Variants in BCKDHB observed in about 807,000 individuals in gnomAD.
BCKDHB encodes the protein 2-oxoisovalerate dehydrogenase subunit beta, mitochondrial.
In BCKDHB, 41 loss-of-function variants were observed where a neutral mutation model predicts 48.5. That is an observed-to-expected ratio of 0.85 (90% confidence interval 0.66 to 1.10). BCKDHB has a LOEUF of 1.10. BCKDHB is among the 50% of genes least tolerant of loss of function. The pLI, the probability that BCKDHB is intolerant of heterozygous loss-of-function variation, is 0.00. For missense variants in BCKDHB, 496 were observed against 494.2 expected (o/e 1.00, Z -0.03); for synonymous variants, 201 against 174.8 (o/e 1.15, Z -1.18).
At chr6:80,156,940 T>G (rs13220420) in intron 3 of BCKDHB, among the ~76,000 whole-genome samples, 7,249 of 152,282 alleles carry the variant, frequency 0.048, 231 homozygotes, top group Non-Finnish European at 0.075. Context: ...GTTTTGGCTT[T>G]GTCTTTTTAT....
rs542280040 is a variant in BCKDHB at position 80,343,996 on chromosome 6, A to G, written c.*192A>G. 236 of 612,294 alleles carry G rather than the reference A, an allele frequency of 3.9e-4. 2 individuals carry two copies. Among genetic ancestry groups the G allele is most frequent in the Admixed American group, 2.0e-3 (65 of 31,948 alleles). The allele number at this position is 612,294 out of a possible 1,614,324, so 37.9% of individuals were successfully genotyped here. ...TTCAAATTTATAGTAGTATATTTACATTTTTGTTGTTGTTGTTGTTCTGAG... is the reference window on the plus strand; with the variant it reads ...TTCAAATTTATAGTAGTATATTTACGTTTTTGTTGTTGTTGTTGTTCTGAG... On this transcript the variant is annotated 3_prime_UTR_variant, in exon 10 of 10. Transcript: ENST00000320393.
the BCKDHB span, among the ~76,000 whole-genome samples, chr6:80,407,020 G>C: frequency 2.6e-5 from 4 of 152,178 alleles, no homozygotes; most frequent in South Asian, 8.3e-4. Flanking sequence ...TCCATCTTGA[G>C]TTAATTTTTG....
intron 8 of BCKDHB, among the ~76,000 whole-genome samples, chr6:80,245,185 G>A (rs907366082): frequency 6.6e-6 from 1 of 151,868 alleles, no homozygotes; most frequent in African/African-American, 2.4e-5. Flanking sequence ...ATTAGAGACC[G>A]GAAACTGAAA....
the BCKDHB span, chr6:80,465,756 A>T: frequency 6.6e-6 from 1 of 152,224 alleles, no homozygotes; most frequent in Non-Finnish European, 1.5e-5. Flanking sequence ...GTTTGCTGCT[A>T]CATTTGTGTG....
the BCKDHB span, among the ~76,000 whole-genome samples, chr6:80,419,189 C>G: frequency 2.0e-5 from 3 of 152,280 alleles, no homozygotes; most frequent in South Asian, 6.2e-4. Context: ...GGCAGATACA[C>G]ACCAGCAAAG....
chr6:80,263,096 A>G (rs1185768718), intron 8 of BCKDHB, among the ~76,000 whole-genome samples: 1 of 152,214 alleles, frequency 6.6e-6, no homozygotes, highest in Non-Finnish European at 1.5e-5. Context: ...TTATTATTGT[A>G]TCTTCTCACT....
intron 9 of BCKDHB, among the ~76,000 whole-genome samples, chr6:80,320,411 C>T (rs1279507765): frequency 6.6e-5 from 10 of 152,152 alleles, no homozygotes; most frequent in African/African-American, 2.4e-4. Context: ...TATGTCCTTT[C>T]TCTTTTTTCA....
At chr6:80,315,526 C>A (rs1196419518) in intron 9 of BCKDHB, among the ~76,000 whole-genome samples, 1 of 151,844 alleles carries the variant, frequency 6.6e-6, no homozygotes, top group Non-Finnish European at 1.5e-5. Context: ...TACTCACCCC[C>A]CTTTTGTTGC....
At chr6:80,450,726 A>G in the BCKDHB span, among the ~76,000 whole-genome samples, 1 of 152,078 alleles carries the variant, frequency 6.6e-6, no homozygotes, top group Non-Finnish European at 1.5e-5. Flanking sequence ...AGCTTTTAGG[A>G]ACGGTGTTTA....
At chr6:80,288,543 A>G (rs1766742670) in intron 9 of BCKDHB, among the ~76,000 whole-genome samples, 1 of 152,154 alleles carries the variant, frequency 6.6e-6, no homozygotes, top group African/African-American at 2.4e-5. Context: ...GACATTAAAT[A>G]TACTTGAAAT....
At chr6:80,185,731 G>T (rs1773612227) in intron 6 of BCKDHB, among the ~76,000 whole-genome samples, 1 of 152,196 alleles carries the variant, frequency 6.6e-6, no homozygotes, top group Non-Finnish European at 1.5e-5. Context: ...TGGGCTCTGG[G>T]CTGATGCTGG....
chr6:80,193,746 G>T (rs1774010981), intron 6 of BCKDHB, among the ~76,000 whole-genome samples: 1 of 150,792 alleles, frequency 6.6e-6, no homozygotes. Flanking sequence ...AAAGTCTCCT[G>T]GTTACATGAA....
At chr6:80,203,911 AAAG>A (rs1406578742) in intron 8 of BCKDHB, among the ~76,000 whole-genome samples, 14 of 152,226 alleles carry the variant, frequency 9.2e-5, no homozygotes, top group Admixed American at 1.3e-4. Flanking sequence ...ATATTGATAC[AAAG>A]AAGGTTAAGC....
intron 8 of BCKDHB, among the ~76,000 whole-genome samples, chr6:80,221,057 A>G (rs1435703842): frequency 6.6e-6 from 1 of 152,006 alleles, no homozygotes; most frequent in African/African-American, 2.4e-5. Flanking sequence ...CTCTGGCATC[A>G]TGCTTTTTAT....
intron 9 of BCKDHB, among the ~76,000 whole-genome samples, chr6:80,295,848 C>T (rs973222368): frequency 5.3e-5 from 8 of 152,056 alleles, no homozygotes; most frequent in African/African-American, 1.9e-4. Flanking sequence ...ATTCAGTTAC[C>T]TCCCACCGGA....
intron 1 of BCKDHB, among the ~76,000 whole-genome samples, chr6:80,115,352 T>G (rs1323601700): frequency 6.6e-6 from 1 of 152,198 alleles, no homozygotes; most frequent in Non-Finnish European, 1.5e-5. Flanking sequence ...CCCTGACATT[T>G]GGGTTCTCCC....
chr6:80,140,226 A>T (rs1231149142), intron 3 of BCKDHB, among the ~76,000 whole-genome samples: 2 of 152,180 alleles, frequency 1.3e-5, no homozygotes, highest in African/African-American at 4.8e-5. Context: ...GGGTTTCTAG[A>T]TATACAATCA....
At chr6:80,357,122 T>C in the BCKDHB span, among the ~76,000 whole-genome samples, 1 of 152,086 alleles carries the variant, frequency 6.6e-6, no homozygotes, top group African/African-American at 2.4e-5. Flanking sequence ...AGGTTTGTCA[T>C]TGAATACAGT....
the BCKDHB span, among the ~76,000 whole-genome samples, chr6:80,437,489 G>A: frequency 1.3e-5 from 2 of 152,258 alleles, no homozygotes; most frequent in Admixed American, 6.5e-5. Context: ...CCCAGCCATA[G>A]TTACTACTTT....
Sources: allele counts gnomAD v4.1 joint callset (sites outside exome capture counted in the v4.1 genomes callset), GRCh38; gene constraint gnomAD v4.1.1; transcripts MANE v1.5; gene names NCBI Gene and HGNC (gene_info 2026-07-23, HGNC 2026-07-21).